NBEA: variants seen among roughly 807,000 people sequenced by gnomAD.
NBEA encodes lysosomal-trafficking regulator 2.
In NBEA, 44 loss-of-function variants were observed where a neutral mutation model predicts 343.4. The observed-to-expected ratio is 0.13, with a 90% CI of 0.10 to 0.16. NBEA has a LOEUF of 0.16. NBEA is among the 10% of genes least tolerant of loss of function. The pLI, the probability that NBEA is intolerant of heterozygous loss-of-function variation, is 1.00. For missense variants in NBEA, 2,555 were observed against 3,631.3 expected (o/e 0.70, Z 7.62); for synonymous variants, 1,175 against 1,238.7 (o/e 0.95, Z 1.08).
At chr13:35,146,350 C>T (rs1465853829) in intron 18 of NBEA, among the ~76,000 whole-genome samples, 1 of 152,114 alleles carries the variant, frequency 6.6e-6, no homozygotes, top group East Asian at 1.9e-4. Flanking sequence ...CAAGAGTGGC[C>T]TTTAGGACAG....
At chr13:35,488,735 A>C (rs1232796602) in intron 41 of NBEA, among the ~76,000 whole-genome samples, 1 of 151,896 alleles carries the variant, frequency 6.6e-6, no homozygotes, top group Non-Finnish European at 1.5e-5. Flanking sequence ...AAAATTTGTA[A>C]ATTAAACCAA....
rs1449657811 is a variant in NBEA at position 35,168,571 on chromosome 13, A to T, written c.4234-416A>T. ...GAAAATTCTAGAGGTTGGTATAAAT[A>T]GTTCATTTCCCTGAGTCATTTCTGC... On this transcript the variant is annotated intron_variant, in intron 24 of 58. Transcript: ENST00000379939. 2.6e-5 allele frequency among the ~76,000 whole-genome samples: 4 copies of T among 151,598 alleles called. No homozygotes were observed. The South Asian group carries it at 8.3e-4, about 31-fold the overall frequency.
intron 1 of NBEA, among the ~76,000 whole-genome samples, chr13:34,995,642 C>T (rs959185870): frequency 1.3e-5 from 2 of 152,092 alleles, no homozygotes; most frequent in African/African-American, 4.8e-5. Context: ...TTGGTTACAG[C>T]TAGGTGTTGT....
chr13:35,385,377 A>G (rs995486431), intron 38 of NBEA, among the ~76,000 whole-genome samples: 2 of 152,146 alleles, frequency 1.3e-5, no homozygotes, highest in Non-Finnish European at 2.9e-5. Flanking sequence ...AATTTACAAC[A>G]TTAAGAAATT....
chr13:35,061,628 A>G (rs1413480097), intron 8 of NBEA, among the ~76,000 whole-genome samples: 2 of 151,732 alleles, frequency 1.3e-5, no homozygotes, highest in Non-Finnish European at 3.0e-5. Context: ...TCCTTCATTT[A>G]TGAATATGAT....
chr13:35,124,570 G>T (rs1001413378), intron 17 of NBEA, among the ~76,000 whole-genome samples: 2 of 145,064 alleles, frequency 1.4e-5, no homozygotes, highest in African/African-American at 5.1e-5. Flanking sequence ...ACATATATAT[G>T]GATATATATA....
At chr13:35,362,228 A>G (rs532256062) in intron 38 of NBEA, among the ~76,000 whole-genome samples, 1 of 151,870 alleles carries the variant, frequency 6.6e-6, no homozygotes, top group Non-Finnish European at 1.5e-5. Context: ...ATTATCTGTT[A>G]TTTCTGTGCA....
intron 38 of NBEA, among the ~76,000 whole-genome samples, chr13:35,384,519 ATCTTTT>A (rs2042149927): frequency 6.9e-6 from 1 of 144,824 alleles, no homozygotes; most frequent in African/African-American, 2.6e-5. Flanking sequence ...ACCTTGAATA[ATCTTTT>A]TTTTTTTTTT....
chr13:35,522,003 G>A (rs185666352), intron 41 of NBEA, among the ~76,000 whole-genome samples: 16 of 152,274 alleles, frequency 1.1e-4, no homozygotes, highest in African/African-American at 2.9e-4. Flanking sequence ...ACAGAGAGGA[G>A]CAGGACATTC....
rs1361682666 is a variant in NBEA, at chr13:35,171,448, A to G, written c.4419A>G (p.Arg1473=). The G allele has an allele frequency of 5.6e-6, 9 of 1,608,784 alleles. No homozygotes were observed. The highest frequency in any genetic ancestry group is 7.7e-6 in the Non-Finnish European group (9 of 1,176,320). Reference sequence around the variant, plus strand: ...GAGGTTTAATGCGACAGTGCCTAAGATTAGGTAAGTCTGTTAAAACAATAG... The same window carrying G: ...GAGGTTTAATGCGACAGTGCCTAAGGTTAGGTAAGTCTGTTAAAACAATAG... ...SSGGLMRQCL[R]LVCCVAVRNC... is the part of the protein sequence containing the mutation. The change falls in exon 26 of 59, where the codon AGA becomes AGG. Residue 1473 remains arginine (R), a synonymous_variant. Coordinates refer to ENST00000379939, the MANE Select transcript of NBEA (RefSeq NM_001385012.1).
intron 49 of NBEA, among the ~76,000 whole-genome samples, chr13:35,633,700 AT>A (rs2083569584): frequency 6.6e-6 from 1 of 152,052 alleles, no homozygotes; most frequent in African/African-American, 2.4e-5. Context: ...TGGGAGAAAA[AT>A]ATGTGAAAAT....
chr13:35,149,914 C>G (rs1566366348), intron 18 of NBEA, among the ~76,000 whole-genome samples: 2 of 152,140 alleles, frequency 1.3e-5, no homozygotes, highest in African/African-American at 2.4e-5. Flanking sequence ...AAAAGTGACT[C>G]AACACAAGTA....
chr13:35,134,433 A>G (rs2067606309), intron 17 of NBEA, among the ~76,000 whole-genome samples: 1 of 151,952 alleles, frequency 6.6e-6, no homozygotes, highest in African/African-American at 2.4e-5. Context: ...TTTATTGGAC[A>G]CTGCCTCCTG....
chr13:34,977,624 A>G (rs1034337319), intron 1 of NBEA, among the ~76,000 whole-genome samples: 3 of 152,116 alleles, frequency 2.0e-5, no homozygotes, highest in Non-Finnish European at 2.9e-5. Flanking sequence ...GTACATAACT[A>G]TCTTAAACAG....
At chr13:35,484,067 C>G (rs1280458402) in intron 41 of NBEA, among the ~76,000 whole-genome samples, 6 of 151,874 alleles carry the variant, frequency 4.0e-5, no homozygotes, top group African/African-American at 1.5e-4. Flanking sequence ...AGAGACTGTA[C>G]CTAAATGGAT....
At chr13:35,471,377 T>G (rs906728364) in intron 40 of NBEA, among the ~76,000 whole-genome samples, 1 of 152,144 alleles carries the variant, frequency 6.6e-6, no homozygotes, top group Admixed American at 6.5e-5. Flanking sequence ...TTTCTCCGAC[T>G]GTTATTGTGA....
At chr13:34,994,804 A>T (rs546528022) in intron 1 of NBEA, among the ~76,000 whole-genome samples, 25 of 152,228 alleles carry the variant, frequency 1.6e-4, no homozygotes, top group Admixed American at 4.6e-4. Context: ...AGTCCAAGTC[A>T]TCTTTTTTCT....
chr13:35,394,775 C>T (rs1400545750), intron 38 of NBEA, among the ~76,000 whole-genome samples: 4 of 152,032 alleles, frequency 2.6e-5, no homozygotes, highest in Non-Finnish European at 5.9e-5. Flanking sequence ...TTATTATTTT[C>T]TTTTTCTACT....
At chr13:35,015,643 C>T (rs781764974) in intron 1 of NBEA, among the ~76,000 whole-genome samples, 67 of 151,232 alleles carry the variant, frequency 4.4e-4, no homozygotes, top group Admixed American at 3.3e-4. Context: ...TTTTGAAAAA[C>T]AAAAATAATG....
Sources: allele counts gnomAD v4.1 joint callset (sites outside exome capture counted in the v4.1 genomes callset), GRCh38; gene constraint gnomAD v4.1.1; transcripts MANE v1.5; gene names NCBI Gene and HGNC (gene_info 2026-07-23, HGNC 2026-07-21).